The following GNAI1 variants were observed in gnomAD, a reference collection of about 807,000 sequenced individuals.
GNAI1 encodes G protein subunit alpha i1.
In GNAI1, 11 loss-of-function variants were observed where a neutral mutation model predicts 38.9. The ratio of observed to expected loss-of-function variants is 0.28; its 90% CI spans 0.18 to 0.47. GNAI1 has a LOEUF of 0.47. Ranked by LOEUF, GNAI1 falls within the 20% of genes least tolerant of loss-of-function variation. The pLI is 0.99. For missense variants in GNAI1, 317 were observed against 436.9 expected (o/e 0.73, Z 2.45); for synonymous variants, 166 against 145.1 (o/e 1.14, Z -1.04).
chr7:80,217,591 T>C lies in GNAI1; in HGVS notation c.*98T>C. On this transcript the variant is annotated 3_prime_UTR_variant, in exon 8 of 8. Transcript: ENST00000649796. ...TCTTGCAGCAACACAGAATGTAATA[T>C]AAGGCAAATGCATCTGGGACTTGAC... is the stretch of plus-strand genomic sequence containing the variant. 1 of 626,268 alleles carries C rather than the reference T, an allele frequency of 1.6e-6. No homozygotes were observed. The highest frequency in any genetic ancestry group is 2.6e-6 in the Non-Finnish European group (1 of 381,466). The allele number at this position is 626,268 out of a possible 1,614,324, so 38.8% of individuals were successfully genotyped here. A position where few individuals can be genotyped will look rare whatever the true frequency, so the allele number is the denominator to read the frequency against.
At chr7:80,206,347 T>C (rs1161547494) in intron 5 of GNAI1, among the ~76,000 whole-genome samples, 1 of 151,710 alleles carries the variant, frequency 6.6e-6, no homozygotes, top group East Asian at 1.9e-4. Context: ...TTTATTTTCA[T>C]TTTTTTCTTA....
At chr7:80,145,589 T>G (rs974272159) in intron 1 of GNAI1, among the ~76,000 whole-genome samples, 3 of 152,188 alleles carry the variant, frequency 2.0e-5, no homozygotes, top group African/African-American at 7.2e-5. Context: ...TAAAAACCAT[T>G]TCTAATCTTT....
intron 1 of GNAI1, among the ~76,000 whole-genome samples, chr7:80,139,091 G>A (rs192694167): frequency 6.6e-6 from 1 of 152,064 alleles, no homozygotes; most frequent in Non-Finnish European, 1.5e-5. Context: ...TTGAATAAAC[G>A]GATCCGGTAT....
intron 3 of GNAI1, 49 bp from the exon 4 acceptor site, chr7:80,199,176 A>G (rs1011375633): frequency 7.5e-7 from 1 of 1,333,836 alleles, no homozygotes; most frequent in South Asian, 1.6e-5. Context: ...TGTACTTTTT[A>G]TCTCTGACGT....
chr7:80,185,707 T>C (rs1480833969), intron 1 of GNAI1, among the ~76,000 whole-genome samples: 2 of 152,166 alleles, frequency 1.3e-5, no homozygotes, highest in African/African-American at 4.8e-5. Flanking sequence ...GGCAACGATG[T>C]GCAGCGTTAC....
In GNAI1 at chr7:80,199,288, C is replaced by T. The variant is rs1788637809; in HGVS notation, c.367C>T (p.Leu123Phe). 6.2e-7 allele frequency: 1 copy of T among 1,612,772 alleles called. No individual in the cohort carries two copies. Among genetic ancestry groups the T allele is most frequent in the African/African-American group, 1.3e-5 (1 of 74,958 alleles). Residue 123 changes from leucine (L) to phenylalanine (F), a missense_variant, in exon 4 of 8, where the codon CTT (leucine) becomes TTT (phenylalanine). By Grantham distance (22) the Leu-to-Phe change is conservative. This residue lies in a region of GNAI1 where 67 missense variants were observed against 61.5 expected (regional missense o/e 1.09). Coordinates refer to ENST00000649796, the MANE Select transcript of GNAI1 (RefSeq NM_002069.6). ...TGAAGAAGGCTTTATGACTGCAGAA[C>T]TTGCTGGAGTTATAAAGAGATTGTG... is the stretch of plus-strand genomic sequence containing the variant. ...AAEEGFMTAELAGVIKRLWKD... is the reference protein window; with the variant it reads ...AAEEGFMTAEFAGVIKRLWKD...
At chr7:80,155,686 A>G (rs950791895) in intron 1 of GNAI1, among the ~76,000 whole-genome samples, 1 of 152,152 alleles carries the variant, frequency 6.6e-6, no homozygotes, top group South Asian at 2.1e-4. Context: ...TAGCAATGGC[A>G]TTCCAGGAGG....
Position 80,212,156 on chromosome 7 carries a change from G to A in GNAI1, c.721-560G>A, listed in dbSNP as rs116239289. ...GAAATTATAGTGTAGTAGGTGCAGT[G>A]CAACACCACATGTTCATTTCTTTCA... On this transcript the variant is annotated intron_variant, in intron 6 of 7. Transcript: ENST00000649796. 3.4e-3 allele frequency among the ~76,000 whole-genome samples: 514 copies of A among 152,144 alleles called. 6 individuals carry two copies. Among genetic ancestry groups the A allele is most frequent in the African/African-American group, 0.012 (495 of 41,486 alleles).
intron 1 of GNAI1, among the ~76,000 whole-genome samples, chr7:80,148,096 C>CT (rs1409922133): frequency 1.2e-4 from 18 of 152,114 alleles, no homozygotes; most frequent in African/African-American, 4.1e-4. Context: ...CTTGATAGGC[C>CT]TTTGTAGTAA....
chr7:80,225,425 G>C lies in GNAI1; in HGVS notation c.*7932G>C, dbSNP rs1260507757. On this transcript the variant is annotated 3_prime_UTR_variant, in exon 8 of 8. Coordinates refer to ENST00000649796, the MANE Select transcript of GNAI1 (RefSeq NM_002069.6). ...TCTTTAGTCTGCAGCCAAATCAAAA[G>C]ATTAGTGGGGTTTTTTTTAATGTTG... 6.6e-6 allele frequency among the ~76,000 whole-genome samples: 1 copy of C among 152,082 alleles called. No individual in the cohort carries two copies. Among genetic ancestry groups the C allele is most frequent in the Non-Finnish European group, 1.5e-5 (1 of 68,010 alleles).
At chr7:80,177,154 C>G (rs1788199613) in intron 1 of GNAI1, among the ~76,000 whole-genome samples, 1 of 150,764 alleles carries the variant, frequency 6.6e-6, no homozygotes, top group Non-Finnish European at 1.5e-5. Flanking sequence ...CCTCTGCCTC[C>G]CGAGTAGCTG....
chr7:80,200,349 C>T (rs1220575700), intron 4 of GNAI1, among the ~76,000 whole-genome samples: 1 of 44,308 alleles, frequency 2.3e-5, no homozygotes, highest in African/African-American at 1.1e-4. Context: ...AAAAAAAAAC[C>T]TAATCAGGGA....
At position 80,211,808 on chromosome 7, in the gene GNAI1, T is replaced by G. The variant is rs1395631392; in HGVS notation, c.720+710T>G. On this transcript the variant is annotated intron_variant, in intron 6 of 7. Transcript: ENST00000649796. The stretch of plus-strand genomic sequence containing the variant: ...ACCATTAATATGGGGGAAATGTTTT[T>G]AAATAGAAATGTAAAACTTTGTCAT... Among the ~76,000 whole-genome samples the G allele has an allele frequency of 3.9e-5, 6 of 152,336 alleles. No individual in the cohort carries two copies. In the East Asian group the frequency reaches 1.2e-3, roughly 29 times the overall value.
chr7:80,150,350 A>G (rs183453321), intron 1 of GNAI1, among the ~76,000 whole-genome samples: 4 of 152,356 alleles, frequency 2.6e-5, no homozygotes, highest in East Asian at 1.9e-4. Flanking sequence ...GTGAAATACT[A>G]TGTTAGAACT....
intron 1 of GNAI1, among the ~76,000 whole-genome samples, chr7:80,138,865 C>T (rs1276461941): frequency 1.3e-5 from 2 of 152,048 alleles, no homozygotes; most frequent in African/African-American, 2.4e-5. Flanking sequence ...GGAAAATGAG[C>T]TGAGGGATTG....
At position 80,218,100 on chromosome 7, in the gene GNAI1, A is replaced by G. The variant is rs1323167689; in HGVS notation, c.*607A>G. 1 of 152,478 alleles carries G rather than the reference A, an allele frequency of 6.6e-6. No individual in the cohort carries two copies. The highest frequency in any genetic ancestry group is 1.5e-5 in the Non-Finnish European group (1 of 67,990). The allele number at this position is 152,478 out of a possible 1,614,324, so 9.4% of individuals were successfully genotyped here. A position where few individuals can be genotyped will look rare whatever the true frequency, so the allele number is the denominator to read the frequency against. ...TTTAAATTTTATGTGTTTTATTGAA[A>G]TGTTCTTAAGATGAATACACCTGCC... On this transcript the variant is annotated 3_prime_UTR_variant, in exon 8 of 8. Transcript: ENST00000649796.
chr7:80,146,899 C>T (rs1054331149), intron 1 of GNAI1, among the ~76,000 whole-genome samples: 1 of 152,178 alleles, frequency 6.6e-6, no homozygotes, highest in African/African-American at 2.4e-5. Context: ...ACACACATAT[C>T]TATCACACTT....
At chr7:80,157,100 T>C (rs1477530062) in intron 1 of GNAI1, among the ~76,000 whole-genome samples, 3 of 152,230 alleles carry the variant, frequency 2.0e-5, no homozygotes, top group Non-Finnish European at 4.4e-5. Context: ...AAATCCTCTG[T>C]ACTCCTCGTA....
At chr7:80,165,094 G>A (rs891527291) in intron 1 of GNAI1, among the ~76,000 whole-genome samples, 2 of 152,064 alleles carry the variant, frequency 1.3e-5, no homozygotes, top group African/African-American at 2.4e-5. Context: ...GATTTAGGCT[G>A]CATTATTAAG....
Sources: allele counts gnomAD v4.1 joint callset (sites outside exome capture counted in the v4.1 genomes callset), GRCh38; gene constraint gnomAD v4.1.1; regional missense constraint gnomAD v4.1.1; transcripts MANE v1.5; gene names NCBI Gene and HGNC (gene_info 2026-07-23, HGNC 2026-07-21).